Variants in MAGI1 observed in about 807,000 individuals in gnomAD.
The protein encoded by MAGI1 is membrane associated guanylate kinase, WW and PDZ domain containing 1.
MAGI1 carries 58 observed loss-of-function variants against 139.9 expected under a neutral mutation model. That is an observed-to-expected ratio of 0.41 (90% CI 0.34 to 0.52). The LOEUF (loss-of-function observed/expected upper bound fraction) is 0.52, where lower values mean the gene tolerates loss of function less well. Ranked by LOEUF, MAGI1 falls within the 20% of genes least tolerant of loss-of-function variation. The probability of loss-of-function intolerance (pLI) is 0.12; values close to 1 mark genes in which losing one functional copy is unlikely to be tolerated. For missense variants in MAGI1, 1,874 were observed against 1,901.6 expected (o/e 0.99, Z 0.27); for synonymous variants, 812 against 737.9 (o/e 1.10, Z -1.63).
intron 21 of MAGI1, 73 bp from the exon 22 acceptor site, chr3:65,361,410 T>G (rs1940841655): frequency 1.3e-6 from 2 of 1,484,134 alleles, no homozygotes; most frequent in Admixed American, 1.7e-5. Context: ...ATTAAGCACG[T>G]GGCAGAACAT....
intron 1 of MAGI1, among the ~76,000 whole-genome samples, chr3:65,635,567 G>A (rs1047982709): frequency 2.0e-5 from 3 of 152,148 alleles, no homozygotes; most frequent in African/African-American, 7.2e-5. Context: ...CTCAGCCAAG[G>A]CATAAGAGCA....
intron 2 of MAGI1, among the ~76,000 whole-genome samples, chr3:65,521,338 A>G (rs1047212311): frequency 2.6e-5 from 4 of 152,160 alleles, no homozygotes; most frequent in African/African-American, 7.2e-5. Flanking sequence ...CTCCTAGCAT[A>G]TATCTCTATA....
At chr3:65,641,483 C>A (rs1453520850) in intron 1 of MAGI1, among the ~76,000 whole-genome samples, 1 of 152,160 alleles carries the variant, frequency 6.6e-6, no homozygotes, top group Non-Finnish European at 1.5e-5. Context: ...CTAAGCCTAG[C>A]CTACTTCTCA....
chr3:65,929,560 C>A (rs2062693066), intron 1 of MAGI1, among the ~76,000 whole-genome samples: 1 of 152,064 alleles, frequency 6.6e-6, no homozygotes, highest in South Asian at 2.1e-4. Context: ...GTCTCGATCT[C>A]CTGACCTCGT....
intron 1 of MAGI1, among the ~76,000 whole-genome samples, chr3:65,832,857 A>C (rs2042599747): frequency 6.6e-6 from 1 of 152,162 alleles, no homozygotes; most frequent in Non-Finnish European, 1.5e-5. Context: ...AAGTCTGGTT[A>C]TTATTACTCA....
chr3:65,415,049 C>G (rs907917675), intron 12 of MAGI1, among the ~76,000 whole-genome samples: 2 of 147,024 alleles, frequency 1.4e-5, no homozygotes, highest in Non-Finnish European at 3.0e-5. Flanking sequence ...AGAAGAAGAA[C>G]ATCATTACCT....
chr3:65,651,451 T>C (rs575648128), intron 1 of MAGI1, among the ~76,000 whole-genome samples: 1 of 152,246 alleles, frequency 6.6e-6, no homozygotes, highest in South Asian at 2.1e-4. Context: ...ATCTGGCAGC[T>C]AGAACCCCAG....
At chr3:65,468,332 G>GA (rs1950303597) in intron 5 of MAGI1, among the ~76,000 whole-genome samples, 1 of 146,032 alleles carries the variant, frequency 6.8e-6, no homozygotes, top group African/African-American at 2.5e-5. Context: ...ACTTATCTCA[G>GA]AACTCTTCCC....
intron 1 of MAGI1, among the ~76,000 whole-genome samples, chr3:65,883,804 C>T (rs929646042): frequency 3.9e-5 from 6 of 152,168 alleles, no homozygotes; most frequent in Admixed American, 2.0e-4. Flanking sequence ...AACTGTTTAT[C>T]TTAGGTTTTG....
intron 5 of MAGI1, among the ~76,000 whole-genome samples, chr3:65,465,999 C>T (rs1411100352): frequency 6.6e-6 from 1 of 152,202 alleles, no homozygotes. Context: ...CCTCTCCCCA[C>T]TCTCTTCTGC....
intron 1 of MAGI1, among the ~76,000 whole-genome samples, chr3:65,743,477 G>A (rs940996069): frequency 6.6e-6 from 1 of 152,072 alleles, no homozygotes; most frequent in East Asian, 1.9e-4. Context: ...GGAGGCCAAG[G>A]TGGGCAGATC....
At chr3:65,967,200 T>C (rs890790089) in intron 1 of MAGI1, among the ~76,000 whole-genome samples, 3 of 151,940 alleles carry the variant, frequency 2.0e-5, no homozygotes, top group Non-Finnish European at 4.4e-5. Context: ...GTAGACAGAG[T>C]GATAGACAGT....
At chr3:65,929,010 G>A (rs1450846928) in intron 1 of MAGI1, among the ~76,000 whole-genome samples, 1 of 151,948 alleles carries the variant, frequency 6.6e-6, no homozygotes, top group African/African-American at 2.4e-5. Flanking sequence ...AGCAGGCCCA[G>A]AACCACAGAG....
Position 65,418,573 on chromosome 3 carries a change from A to C in MAGI1, c.2167+10947T>G, listed in dbSNP as rs143600548. ...TCCCATCTTCTTCCCCTTCTTAAAT[A>C]CTTCACTCCTGCAAAGAGGGAGTGC... On this transcript the variant is annotated intron_variant, in intron 12 of 22. Coordinates refer to ENST00000402939, the MANE Select transcript of MAGI1 (RefSeq NM_001033057.2). Among the ~76,000 whole-genome samples, 324 of 152,214 alleles carry C rather than the reference A, an allele frequency of 2.1e-3. 1 individual carries two copies. The highest frequency in any genetic ancestry group is 7.3e-3 in the African/African-American group (305 of 41,524).
intron 1 of MAGI1, among the ~76,000 whole-genome samples, chr3:65,957,542 A>G (rs2064194047): frequency 6.6e-6 from 1 of 150,466 alleles, no homozygotes; most frequent in Non-Finnish European, 1.5e-5. Flanking sequence ...AAAGAAAAAG[A>G]AAAGAAAAAG....
intron 1 of MAGI1, among the ~76,000 whole-genome samples, chr3:65,965,535 T>A (rs927732688): frequency 6.6e-6 from 1 of 152,138 alleles, no homozygotes; most frequent in Non-Finnish European, 1.5e-5. Context: ...TAACACCTGA[T>A]AGAGACTTAC....
intron 2 of MAGI1, among the ~76,000 whole-genome samples, chr3:65,533,622 T>G (rs952073581): frequency 2.0e-5 from 3 of 152,184 alleles, no homozygotes. Flanking sequence ...TTCAAAGACT[T>G]TCACTACCCT....
At chr3:65,706,221 A>G (rs2030255603) in intron 1 of MAGI1, among the ~76,000 whole-genome samples, 1 of 152,244 alleles carries the variant, frequency 6.6e-6, no homozygotes, top group African/African-American at 2.4e-5. Context: ...AAACAAAATA[A>G]TCTTTACCAA....
In MAGI1 at chr3:65,786,819, G is replaced by T. The variant is rs371601243; in HGVS notation, c.314-164731C>A. 5.3e-5 allele frequency among the ~76,000 whole-genome samples: 8 copies of T among 152,096 alleles called. No individual in the cohort carries two copies. The East Asian group carries it at 5.8e-4, about 11-fold the overall frequency. On this transcript the variant is annotated intron_variant, in intron 1 of 22. Transcript: ENST00000402939. ...TTTAGTAGAGACGGGATTTCACCGTGTTAGCCAGGATGTTCTCGATTTCCT... is the reference window on the plus strand; with the variant it reads ...TTTAGTAGAGACGGGATTTCACCGTTTTAGCCAGGATGTTCTCGATTTCCT...
Sources: gnomAD v4.1 joint callset for allele counts (sites outside exome capture counted in the v4.1 genomes callset) on GRCh38, gnomAD v4.1.1 for gene constraint, MANE v1.5 for transcripts, NCBI Gene and HGNC (gene_info 2026-07-23, HGNC 2026-07-21) for gene names.